The following CRYL1 variants were observed in gnomAD, a reference collection of about 807,000 sequenced individuals.
The protein encoded by CRYL1 is lambda-crystallin homolog.
A neutral mutation model predicts 36.6 loss-of-function variants in CRYL1; 29 were observed. The observed-to-expected ratio is 0.79, with a 90% CI of 0.59 to 1.08. The LOEUF is 1.08. CRYL1 is among the 50% of genes least tolerant of loss of function. The pLI, the probability that CRYL1 is intolerant of heterozygous loss-of-function variation, is 0.00. For missense variants in CRYL1, 411 were observed against 407.9 expected (o/e 1.01, Z -0.06); for synonymous variants, 152 against 151.5 (o/e 1.00, Z -0.02).
chr13:20,459,945 C>T (rs1484789388), intron 3 of CRYL1, among the ~76,000 whole-genome samples: 2 of 152,214 alleles, frequency 1.3e-5, no homozygotes, highest in Non-Finnish European at 2.9e-5. Flanking sequence ...TGTCTGCTTT[C>T]CTCCTGCCGA....
intron 2 of CRYL1, among the ~76,000 whole-genome samples, chr13:20,494,417 T>A (rs2033568675): frequency 6.6e-6 from 1 of 152,224 alleles, no homozygotes; most frequent in African/African-American, 2.4e-5. Context: ...CTTTGTCACT[T>A]TTTAAGTAAA....
intron 6 of CRYL1, among the ~76,000 whole-genome samples, chr13:20,406,800 G>A (rs1037360800): frequency 2.6e-5 from 4 of 151,884 alleles, no homozygotes; most frequent in African/African-American, 9.7e-5. Flanking sequence ...AAGAGCTGCT[G>A]TGGCTGCATA....
At chr13:20,466,370 C>A (rs1043257494) in intron 3 of CRYL1, among the ~76,000 whole-genome samples, 3 of 152,068 alleles carry the variant, frequency 2.0e-5, no homozygotes, top group Non-Finnish European at 4.4e-5. Flanking sequence ...TAGACAGGGG[C>A]AGCTGGCAAA....
intron 1 of CRYL1, chr13:20,515,587 G>C (rs530569079): frequency 5.1e-4 from 77 of 152,198 alleles, no homozygotes; most frequent in African/African-American, 1.7e-3. Context: ...CAGAGTCTTA[G>C]GCTTTTAAGA....
chr13:20,523,694 G>A (rs1008200956), intron 1 of CRYL1, among the ~76,000 whole-genome samples: 5 of 152,096 alleles, frequency 3.3e-5, no homozygotes, highest in East Asian at 1.9e-4. Context: ...AGAGCTGGGT[G>A]TGTGCTGAAG....
chr13:20,494,466 C>T (rs1291632971), intron 2 of CRYL1, among the ~76,000 whole-genome samples: 1 of 152,180 alleles, frequency 6.6e-6, no homozygotes, highest in Non-Finnish European at 1.5e-5. Flanking sequence ...TCATCCCAGC[C>T]TCACCCAACC....
rs115434539 is a variant in CRYL1 at position 20,403,705 on chromosome 13, G to A, written c.*424C>T. 3.4e-3 allele frequency: 522 copies of A among 154,252 alleles called. 3 individuals are homozygous for A. Among genetic ancestry groups the A allele is most frequent in the African/African-American group, 0.011 (455 of 41,592 alleles). The allele number at this position is 154,252 out of a possible 1,614,324, so 9.6% of individuals were successfully genotyped here. ...TCAAAAACTTTTATTCAGAATAAGC[G>A]TTAGCAAAATGAAGGTAGGTGCCTC... is the stretch of plus-strand genomic sequence containing the variant. On this transcript the variant is annotated 3_prime_UTR_variant, in exon 8 of 8. Transcript: ENST00000298248.
chr13:20,420,084 GAC>G (rs1251816940), intron 5 of CRYL1, among the ~76,000 whole-genome samples: 1 of 152,274 alleles, frequency 6.6e-6, no homozygotes, highest in East Asian at 1.9e-4. Context: ...TTGGAAGCAA[GAC>G]ACAGACATTC....
intron 5 of CRYL1, among the ~76,000 whole-genome samples, chr13:20,423,881 C>T (rs1406085869): frequency 1.3e-5 from 2 of 151,244 alleles, no homozygotes; most frequent in Non-Finnish European, 2.9e-5. Context: ...AGTGATTCTC[C>T]TGCCTCAGCC....
intron 3 of CRYL1, among the ~76,000 whole-genome samples, chr13:20,488,038 G>A (rs538074450): frequency 2.0e-4 from 31 of 151,988 alleles, no homozygotes; most frequent in Admixed American, 1.8e-3. Flanking sequence ...GGAAGTGGAG[G>A]CTGCAATGAG....
At chr13:20,512,292 C>A in intron 2 of CRYL1, 151 bp downstream of exon 2, 1 of 585,008 alleles carries the variant, frequency 1.7e-6, no homozygotes, top group Admixed American at 2.8e-5. Flanking sequence ...CCACTGTAGG[C>A]CTGGCCTTTA....
chr13:20,474,429 C>T (rs908356721), intron 3 of CRYL1, among the ~76,000 whole-genome samples: 4 of 152,068 alleles, frequency 2.6e-5, no homozygotes, highest in African/African-American at 9.7e-5. Flanking sequence ...AGCAACAAAC[C>T]GGTAAAGCAA....
At chr13:20,414,859 G>A (rs1163331619) in intron 5 of CRYL1, among the ~76,000 whole-genome samples, 1 of 152,218 alleles carries the variant, frequency 6.6e-6, no homozygotes, top group African/African-American at 2.4e-5. Flanking sequence ...CATTTCCACT[G>A]TCAGGAGGGC....
In CRYL1 at chr13:20,525,474, C is replaced by G. The variant is rs1338135616; in HGVS notation, c.41+280G>C. On this transcript the variant is annotated intron_variant, in intron 1 of 7. Coordinates refer to ENST00000298248, the MANE Select transcript of CRYL1 (RefSeq NM_015974.3). This position sits in a 1 kb window ranked among gnomAD's most constrained non-coding sequence, Gnocchi z 4.3. ...TCAACAGAGTCCAGGAACCGCAGGCCCCGCGGCCTGGGCGGTCAACCTCGG... is the reference window on the plus strand; with the variant it reads ...TCAACAGAGTCCAGGAACCGCAGGCGCCGCGGCCTGGGCGGTCAACCTCGG... Among the ~76,000 whole-genome samples, 1 of 152,172 alleles carries G rather than the reference C, an allele frequency of 6.6e-6. No individual in the cohort carries two copies. The highest frequency in any genetic ancestry group is 1.5e-5 in the Non-Finnish European group (1 of 68,018).
chr13:20,443,438 G>C (rs1371653363), intron 3 of CRYL1, among the ~76,000 whole-genome samples: 1 of 151,916 alleles, frequency 6.6e-6, no homozygotes, highest in African/African-American at 2.4e-5. Context: ...CTGTTGCCCA[G>C]GCTGGAGTAC....
chr13:20,439,528 A>AAG, intron 4 of CRYL1, 65 bp downstream of exon 4: 4 of 1,024,984 alleles, frequency 3.9e-6, no homozygotes, highest in Non-Finnish European at 4.0e-6. Flanking sequence ...AAAAAAAAAA[A>AAG]AAGAAAAAAA....
chr13:20,439,685 G>A lies in CRYL1; in HGVS notation c.346C>T (p.Arg116Ter), dbSNP rs772956446. The part of the protein sequence containing the change: ...FAQLDSIIDD[R>*]VILSSSTSCL... Reference sequence around the variant, plus strand: ...GAAGTGGAACTGCTTAAGATCACTCGATCATCAATGATGGAATCTAACTGA... The same window carrying A: ...GAAGTGGAACTGCTTAAGATCACTCAATCATCAATGATGGAATCTAACTGA... Residue 116 changes from arginine (R) to a stop codon, truncating the protein, a stop_gained, in exon 4 of 8, where the codon CGA (arginine) becomes TGA (stop). Transcript: ENST00000298248. LOFTEE classifies it high-confidence loss of function. The A allele has an allele frequency of 6.2e-7, 1 of 1,613,938 alleles. No individual in the cohort carries two copies. The highest frequency in any genetic ancestry group is 8.5e-7 in the Non-Finnish European group (1 of 1,179,876).
intron 1 of CRYL1, among the ~76,000 whole-genome samples, chr13:20,513,024 A>G (rs745480614): frequency 6.6e-6 from 1 of 152,234 alleles, no homozygotes; most frequent in African/African-American, 2.4e-5. Context: ...TACACATTCT[A>G]TGCATGTAAC....
intron 3 of CRYL1, among the ~76,000 whole-genome samples, chr13:20,488,488 T>C (rs1024602486): frequency 9.2e-5 from 14 of 152,254 alleles, no homozygotes; most frequent in African/African-American, 3.4e-4. Flanking sequence ...TTTAGAGTCA[T>C]AGAGACCTAA....
Sources: allele counts gnomAD v4.1 joint callset (sites outside exome capture counted in the v4.1 genomes callset), GRCh38; gene constraint gnomAD v4.1.1; non-coding constraint Gnocchi (gnomAD v3.1); transcripts MANE v1.5; gene names NCBI Gene and HGNC (gene_info 2026-07-23, HGNC 2026-07-21).